MTSS2: variants seen among roughly 807,000 people sequenced by gnomAD.
MTSS2 encodes the protein MTSS I-BAR domain containing 2.
MTSS2 carries 27 observed loss-of-function variants against 67.1 expected under a neutral mutation model. The observed-to-expected ratio is 0.40, with a 90% CI of 0.30 to 0.55. The LOEUF is 0.55. Among genes scored for constraint, MTSS2 ranks in the 20% least tolerant of loss-of-function variants. The pLI is 0.43. For missense variants in MTSS2, 1,171 were observed against 1,067.8 expected (o/e 1.10, Z -1.35); for synonymous variants, 624 against 468.6 (o/e 1.33, Z -4.28).
rs1001488030 is a variant in MTSS2, at chr16:70,674,530, T to C, written c.831-2A>G. ...GCACTGCTACTGCTGCTGGGGGCAC[T>C]AGGGGAGTGAAGGAAGAGGGCACAG... On this transcript the variant is annotated splice_acceptor_variant, in intron 10 of 14. Transcript: ENST00000338779. LOFTEE classifies it high-confidence loss of function. 4 of 1,611,748 alleles carry C rather than the reference T, an allele frequency of 2.5e-6. No individual in the cohort carries two copies. The highest frequency in any genetic ancestry group is 1.3e-5 in the African/African-American group (1 of 74,792).
intron 10 of MTSS2, among the ~76,000 whole-genome samples, chr16:70,675,892 G>C (rs559672288): frequency 6.6e-6 from 1 of 152,274 alleles, no homozygotes; most frequent in African/African-American, 2.4e-5. Flanking sequence ...GCCCTCTATG[G>C]CTCACACCCT....
chr16:70,680,257 C>T (rs1354572799), intron 3 of MTSS2, among the ~76,000 whole-genome samples: 1 of 152,126 alleles, frequency 6.6e-6, no homozygotes, highest in East Asian at 1.9e-4. Flanking sequence ...CCAGCCGCGC[C>T]AGCCTCCTGC....
At chr16:70,682,219 G>A (rs2053324468) in intron 1 of MTSS2, among the ~76,000 whole-genome samples, 1 of 152,208 alleles carries the variant, frequency 6.6e-6, no homozygotes, top group Admixed American at 6.5e-5. Context: ...AGTCCACAGA[G>A]GCTGAAGCAA....
At position 70,670,398 on chromosome 16, in the gene MTSS2, G is replaced by T. The variant is rs561590638; in HGVS notation, c.1053+3908C>A. On this transcript the variant is annotated intron_variant, in intron 11 of 14. Transcript: ENST00000338779. ...AAATCTGAAGATGTGCATATCCCATGACTTTGCAATTCTGCTCCTAGGAAT... is the reference window on the plus strand; with the variant it reads ...AAATCTGAAGATGTGCATATCCCATTACTTTGCAATTCTGCTCCTAGGAAT... Among the ~76,000 whole-genome samples, 27 of 152,336 alleles carry T rather than the reference G, an allele frequency of 1.8e-4. No homozygotes were observed. In the South Asian group the frequency reaches 5.4e-3, roughly 30 times the overall value.
intron 1 of MTSS2, among the ~76,000 whole-genome samples, chr16:70,681,749 G>T (rs755778431): frequency 2.6e-5 from 4 of 152,248 alleles, no homozygotes; most frequent in Non-Finnish European, 5.9e-5. Flanking sequence ...CTGGCCCAAG[G>T]CTCCAAGTTG....
At position 70,677,895 on chromosome 16, in the gene MTSS2, C is replaced by T. The variant is rs1326329332; in HGVS notation, c.629G>A (p.Gly210Glu). The change falls in exon 9 of 15, where the codon GGA (glycine) becomes GAA (glutamate). Residue 210 changes from glycine to glutamate, a missense_variant. Gly to Glu is a moderately conservative substitution (Grantham distance 98). Coordinates refer to ENST00000338779, the MANE Select transcript of MTSS2 (RefSeq NM_138383.3). ...FITFLQPVVN[G>E]ELTMLGEITH... ...GATCTCTCCCAGCATGGTCAGCTCTCCATTCTGAGGAAGCAGCGAGTCAGA... is the reference window on the plus strand; with the variant it reads ...GATCTCTCCCAGCATGGTCAGCTCTTCATTCTGAGGAAGCAGCGAGTCAGA... 3.1e-6 allele frequency: 5 copies of T among 1,605,094 alleles called. No individual in the cohort carries two copies. The highest frequency in any genetic ancestry group is 4.2e-6 in the Non-Finnish European group (5 of 1,176,698).
intron 6 of MTSS2, 69 bp from the exon 7 acceptor site, chr16:70,679,392 G>A (rs1472755870): frequency 1.3e-6 from 2 of 1,588,084 alleles, no homozygotes; most frequent in African/African-American, 1.3e-5. Flanking sequence ...GACGCCGGAT[G>A]GACAGAGCCA....
chr16:70,676,741 A>C, intron 10 of MTSS2, 140 bp downstream of exon 10: 2 of 692,330 alleles, frequency 2.9e-6, no homozygotes, highest in Non-Finnish European at 2.5e-6. Flanking sequence ...TTCCCTCTAC[A>C]TATGCAAATT....
intron 7 of MTSS2, among the ~76,000 whole-genome samples, 162 bp downstream of exon 7, chr16:70,679,153 G>T (rs939654838): frequency 6.6e-6 from 1 of 152,070 alleles, no homozygotes; most frequent in African/African-American, 2.4e-5. Flanking sequence ...GACCCCGGGG[G>T]CCCCAGGGGG....
chr16:70,681,054 C>T, intron 1 of MTSS2, 29 bp from the exon 2 acceptor site: 1 of 1,594,526 alleles, frequency 6.3e-7, no homozygotes, highest in African/African-American at 1.3e-5. Flanking sequence ...AGAAAGTGAG[C>T]TTCTTGTGGG....
Position 70,681,011 on chromosome 16 carries a change from G to T in MTSS2, c.84C>A (p.Ile28=). ...TGGCCTTGGAGTTGAAGTCCTCCCA[G>T]ATAGGGTAGGAGCTCTGCCGGGCAA... ...IVNDMKSSYP[I]WEDFNSKATK... The change falls in exon 2 of 15, where the codon ATC becomes ATA. Residue 28 remains isoleucine (I), a synonymous_variant. Transcript: ENST00000338779. 2 of 1,609,910 alleles carry T rather than the reference G, an allele frequency of 1.2e-6. No homozygotes were observed. The highest frequency in any genetic ancestry group is 1.7e-6 in the Non-Finnish European group (2 of 1,178,584).
rs567084752 is a variant in MTSS2, at chr16:70,677,846, G to A, written c.678C>T (p.Asp226=). ...GEITHLQGII[D]DLVVLTAEPH... is the part of the protein sequence containing the mutation. ...GTTCTGCTGTCAGCACCACCAAGTC[G>A]TCGATGATGCCCTGCAGGTGGGTGA... The change falls in exon 9 of 15, where the codon GAC becomes GAT. Residue 226 remains aspartate (D), a synonymous_variant. Coordinates refer to ENST00000338779, the MANE Select transcript of MTSS2 (RefSeq NM_138383.3). 244 of 1,612,608 alleles carry A rather than the reference G, an allele frequency of 1.5e-4. 3 individuals carry two copies. In the South Asian group the frequency reaches 2.5e-3, roughly 17 times the overall value.
At position 70,664,045 on chromosome 16, in the gene MTSS2, G is replaced by A. The variant is rs767365633; in HGVS notation, c.1876C>T (p.Leu626=). 6.2e-6 allele frequency: 10 copies of A among 1,609,988 alleles called. 1 individual carries two copies. The South Asian group carries it at 1.1e-4, about 18-fold the overall frequency. ...GAGGCCTTGGCGAGGTCCGGTGCCA[G>A]GGGTGAGGCGGTCTCGTCGGTATAG... ...VFYTDETASP[L]APDLAKASPK... is the part of the protein sequence containing the mutation. Residue 626 remains leucine, a synonymous_variant, in exon 15 of 15, where the codon CTG becomes TTG. Transcript: ENST00000338779.
At chr16:70,680,756 C>G (rs1400234976) in intron 3 of MTSS2, 38 bp downstream of exon 3, 2 of 1,542,802 alleles carry the variant, frequency 1.3e-6, no homozygotes, top group African/African-American at 1.4e-5. Context: ...CAGGCCCACC[C>G]TGGGGCAACC....
rs528205124 is a variant in MTSS2 at position 70,661,340 on chromosome 16, G to A, written c.*2337C>T. The stretch of plus-strand genomic sequence containing the variant: ...GAGGAGAATTTTTCCAAAATCTGAC[G>A]GAAAGAAAAGAAACAAATGGTTCAG... On this transcript the variant is annotated 3_prime_UTR_variant, in exon 15 of 15. Coordinates refer to ENST00000338779, the MANE Select transcript of MTSS2 (RefSeq NM_138383.3). 56 of 430,864 alleles carry A rather than the reference G, an allele frequency of 1.3e-4. No individual in the cohort carries two copies. The highest frequency in any genetic ancestry group is 6.3e-4 in the Admixed American group (24 of 37,826). The allele number at this position is 430,864 out of a possible 1,614,324, so 26.7% of individuals were successfully genotyped here.
Position 70,665,483 on chromosome 16 carries a change from A to G in MTSS2, c.1111T>C (p.Cys371Arg). 1.3e-6 allele frequency: 2 copies of G among 1,556,212 alleles called. No individual in the cohort carries two copies. The highest frequency in any genetic ancestry group is 1.7e-6 in the Non-Finnish European group (2 of 1,150,852). ...ASETCQSVSE[C>R]SSPTSDWSKV... The stretch of plus-strand genomic sequence containing the variant: ...GCACTGACCGAGGTGGGGGAGCTGC[A>G]CTCGCTAACGGACTGGCAGGTTTCC... The change falls in exon 12 of 15, where the codon TGC (cysteine) becomes CGC (arginine). Residue 371 changes from cysteine to arginine, a missense_variant. By Grantham distance (180) the Cys-to-Arg change is radical. Around this residue, in one of 2 missense-constraint regions of MTSS2, gnomAD observed 924 missense variants for 756.0 expected, o/e 1.22. Transcript: ENST00000338779.
intron 1 of MTSS2, among the ~76,000 whole-genome samples, chr16:70,683,945 T>C (rs2053379120): frequency 6.6e-6 from 1 of 152,242 alleles, no homozygotes; most frequent in African/African-American, 2.4e-5. Context: ...GTCCTTGGCA[T>C]CATCCCAGGT....
Position 70,678,393 on chromosome 16 carries a change from C to T in MTSS2, c.483G>A (p.Gln161=). The change falls in exon 8 of 15, where the codon CAG becomes CAA. Residue 161 remains glutamine, a synonymous_variant. Coordinates refer to ENST00000338779, the MANE Select transcript of MTSS2 (RefSeq NM_138383.3). ...RKELLGKGDL[Q]PQLDSALQDV... ...CCTGCAGGGCACTGTCCAGCTGGGG[C>T]TGCAGGTCTCCTTTCCCTGGAGGGG... 2 of 1,611,316 alleles carry T rather than the reference C, an allele frequency of 1.2e-6. No homozygotes were observed. The highest frequency in any genetic ancestry group is 1.1e-5 in the South Asian group (1 of 90,888).
chr16:70,665,718 C>T, intron 11 of MTSS2, 178 bp from the exon 12 acceptor site: 1 of 576,556 alleles, frequency 1.7e-6, no homozygotes, highest in Non-Finnish European at 3.1e-6. Context: ...TCTGCAGCAG[C>T]ACACAGCAGC....
Sources: allele counts gnomAD v4.1 joint callset (sites outside exome capture counted in the v4.1 genomes callset), GRCh38; gene constraint gnomAD v4.1.1; regional missense constraint gnomAD v4.1.1; transcripts MANE v1.5; gene names NCBI Gene and HGNC (gene_info 2026-07-23, HGNC 2026-07-21).